Variants in VEPH1 observed in about 807,000 individuals in gnomAD.
VEPH1 encodes the protein ventricular zone expressed PH domain containing 1, also known as ventricular zone-expressed PH domain-containing protein homolog 1.
VEPH1 carries 80 observed loss-of-function variants against 85.2 expected under a neutral mutation model. The observed-to-expected ratio is 0.94, with a 90% confidence interval of 0.78 to 1.13. VEPH1 has a LOEUF of 1.13. Ranked by LOEUF, VEPH1 falls within the 50% of genes most tolerant of loss-of-function variation. The probability of loss-of-function intolerance (pLI) is 0.00; values close to 1 mark genes in which losing one functional copy is unlikely to be tolerated. For missense variants in VEPH1, 955 were observed against 980.5 expected (o/e 0.97, Z 0.35); for synonymous variants, 297 against 348.0 (o/e 0.85, Z 1.63).
chr3:157,272,414 T>C (rs1196822748), intron 12 of VEPH1, among the ~76,000 whole-genome samples: 3 of 147,986 alleles, frequency 2.0e-5, no homozygotes, highest in Non-Finnish European at 4.5e-5. Context: ...TTTCTTTCTT[T>C]CTTTCTTTCT....
At chr3:157,310,633 G>A (rs1399498444) in intron 11 of VEPH1, among the ~76,000 whole-genome samples, 2 of 152,184 alleles carry the variant, frequency 1.3e-5, no homozygotes, top group Admixed American at 1.3e-4. Context: ...CAAAACGTGT[G>A]GTGGGACTGG....
chr3:157,334,233 C>T (rs1355866833), intron 9 of VEPH1, among the ~76,000 whole-genome samples: 2 of 152,188 alleles, frequency 1.3e-5, no homozygotes, highest in Non-Finnish European at 2.9e-5. Context: ...CATTTTATTT[C>T]AGTCACTGCT....
In VEPH1 at chr3:157,495,278, A is replaced by T. The variant is rs1332767304; in HGVS notation, c.72T>A (p.Asp24Glu). The T allele has an allele frequency of 3.1e-6, 5 of 1,613,954 alleles. No individual in the cohort carries two copies. The highest frequency in any genetic ancestry group is 4.2e-6 in the Non-Finnish European group (5 of 1,179,946). ...LSRAGDLFSL[D>E]DSEIEDSLTE... ...TAAGGCTGTCTTCAATCTCAGAGTCATCTAAGGAGAAGAGGTCCCCAGCTC... is the reference window on the plus strand; with the variant it reads ...TAAGGCTGTCTTCAATCTCAGAGTCTTCTAAGGAGAAGAGGTCCCCAGCTC... The change falls in exon 2 of 14, where the codon GAT becomes GAA. Residue 24 changes from aspartate to glutamate, a missense_variant. Asp to Glu is a conservative substitution (Grantham distance 45). Transcript: ENST00000362010.
At position 157,421,637 on chromosome 3, in the gene VEPH1, GAGA is replaced by G. The variant is rs889022187; in HGVS notation, c.696+6682_696+6684del. On this transcript the variant is annotated intron_variant, in intron 5 of 13. Transcript: ENST00000362010. ...CTGTCTAATTAAGGAAGGGGTGAGG[GAGA>G]AGGTGAATCAGGCAGTTTCTGTATT... Among the ~76,000 whole-genome samples, 66 of 152,268 alleles carry G rather than the reference GAGA, an allele frequency of 4.3e-4. 1 individual carries two copies. Among genetic ancestry groups the G allele is most frequent in the African/African-American group, 1.5e-3 (64 of 41,554 alleles).
intron 12 of VEPH1, among the ~76,000 whole-genome samples, chr3:157,266,859 T>C (rs1373010942): frequency 6.6e-6 from 1 of 152,214 alleles, no homozygotes; most frequent in Admixed American, 6.5e-5. Flanking sequence ...TTTATATATA[T>C]TTATCTTCAA....
rs1224899033 is a variant in VEPH1 at position 157,305,149 on chromosome 3, G to A, written c.2010+8472C>T. Among the ~76,000 whole-genome samples, 52 of 112,680 alleles carry A rather than the reference G, an allele frequency of 4.6e-4. 1 individual carries two copies. Among genetic ancestry groups the A allele is most frequent in the Non-Finnish European group, 6.4e-4 (39 of 61,168 alleles). 73.9% of individuals were successfully genotyped at this position (112,680 alleles called of 152,430 possible). On this transcript the variant is annotated intron_variant, in intron 11 of 13. Coordinates refer to ENST00000362010, the MANE Select transcript of VEPH1 (RefSeq NM_001167912.2). ...TTTTGAGACGGAGTCTCGCTCTGTC[G>A]CCCAGGCTGGAGTGCAGTGGCGGGA...
At chr3:157,445,211 C>A (rs1435131433) in intron 4 of VEPH1, among the ~76,000 whole-genome samples, 1 of 152,200 alleles carries the variant, frequency 6.6e-6, no homozygotes, top group Non-Finnish European at 1.5e-5. Context: ...CTAGCCAGCC[C>A]TGAGCTGCCT....
chr3:157,332,839 C>G (rs1202116336), intron 9 of VEPH1, among the ~76,000 whole-genome samples: 1 of 152,122 alleles, frequency 6.6e-6, no homozygotes, highest in Admixed American at 6.6e-5. Flanking sequence ...TAATTATTTC[C>G]TTATTCTTAC....
intron 3 of VEPH1, 107 bp from the exon 4 acceptor site, chr3:157,460,462 C>T: frequency 1.5e-6 from 2 of 1,360,820 alleles, no homozygotes; most frequent in East Asian, 5.0e-5. Flanking sequence ...CAGAGTACAG[C>T]TGTGAAAACA....
intron 6 of VEPH1, among the ~76,000 whole-genome samples, chr3:157,389,513 T>C (rs1464149316): frequency 6.6e-6 from 1 of 152,196 alleles, no homozygotes; most frequent in Non-Finnish European, 1.5e-5. Context: ...AATGACTTTG[T>C]AACCCCAAAT....
intron 9 of VEPH1, among the ~76,000 whole-genome samples, chr3:157,318,142 C>G (rs1309263503): frequency 6.6e-6 from 1 of 152,134 alleles, no homozygotes; most frequent in African/African-American, 2.4e-5. Flanking sequence ...ATGGCTCAAG[C>G]CTGCTCAATC....
Position 157,260,103 on chromosome 3 carries a change from T to A in VEPH1, c.*1031A>T, listed in dbSNP as rs1271412864. On this transcript the variant is annotated 3_prime_UTR_variant, in exon 14 of 14. Transcript: ENST00000362010. ...TAGAAACCTTATGTATATCTGCAAC[T>A]TCTCTTCACTTTTGTTATATAACAT... 1 of 152,148 alleles carries A rather than the reference T, an allele frequency of 6.6e-6. No individual in the cohort carries two copies. Among genetic ancestry groups the A allele is most frequent in the East Asian group, 1.9e-4 (1 of 5,192 alleles). 9.4% of individuals were successfully genotyped at this position (152,148 alleles called of 1,614,324 possible). A position where few individuals can be genotyped will look rare whatever the true frequency, so the allele number is the denominator to read the frequency against.
chr3:157,465,511 A>G (rs1000581297), intron 3 of VEPH1, among the ~76,000 whole-genome samples: 3 of 152,230 alleles, frequency 2.0e-5, no homozygotes, highest in Non-Finnish European at 4.4e-5. Context: ...GAGACAATTA[A>G]GGCCTGGAAA....
At chr3:157,413,854 GA>G in intron 6 of VEPH1, 26 bp downstream of exon 6, 1 of 1,608,582 alleles carries the variant, frequency 6.2e-7, no homozygotes, top group Non-Finnish European at 8.5e-7. Context: ...CAATTCAGGG[GA>G]ATGGAGAGAA....
rs1308050406 is a variant in VEPH1 at position 157,438,033 on chromosome 3, GCGCGCACACACACACA to G, written c.530-9561_530-9546del. ...GCTTTCATGGGAAGCGCGCGCGCGC[GCGCGCACACACACACA>G]CACACACACACACACACACACACCC... On this transcript the variant is annotated intron_variant, in intron 4 of 13. Coordinates refer to ENST00000362010, the MANE Select transcript of VEPH1 (RefSeq NM_001167912.2). The G allele has an allele frequency of 2.6e-3, 2,102 of 794,010 alleles. 36 individuals carry two copies. In the African/African-American group the frequency reaches 0.037, roughly 14 times the overall value. 49.2% of individuals were successfully genotyped at this position (794,010 alleles called of 1,614,324 possible). A position where few individuals can be genotyped will look rare whatever the true frequency, so the allele number is the denominator to read the frequency against.
chr3:157,424,198 C>T (rs1321415777), intron 5 of VEPH1, among the ~76,000 whole-genome samples: 2 of 152,114 alleles, frequency 1.3e-5, no homozygotes, highest in Non-Finnish European at 2.9e-5. Flanking sequence ...CAGGGGTTTC[C>T]ACTTTTGCAT....
At chr3:157,367,600 A>C (rs1726856692) in intron 7 of VEPH1, among the ~76,000 whole-genome samples, 1 of 152,238 alleles carries the variant, frequency 6.6e-6, no homozygotes, top group Non-Finnish European at 1.5e-5. Flanking sequence ...ATTAAAACTT[A>C]AAAATTTGTA....
At chr3:157,357,703 G>A (rs781143220) in intron 9 of VEPH1, among the ~76,000 whole-genome samples, 1 of 152,102 alleles carries the variant, frequency 6.6e-6, no homozygotes, top group Non-Finnish European at 1.5e-5. Context: ...ATTTTGGCCA[G>A]GCTAGTCTCG....
intron 5 of VEPH1, among the ~76,000 whole-genome samples, chr3:157,416,451 C>A (rs1731918775): frequency 6.6e-6 from 1 of 152,158 alleles, no homozygotes; most frequent in Non-Finnish European, 1.5e-5. Context: ...ATTGTATGTC[C>A]TTCAGGAGAA....
Sources: allele counts gnomAD v4.1 joint callset (sites outside exome capture counted in the v4.1 genomes callset), GRCh38; gene constraint gnomAD v4.1.1; transcripts MANE v1.5; gene names NCBI Gene and HGNC (gene_info 2026-07-23, HGNC 2026-07-21).